Variants in FOXO3 observed in about 807,000 individuals in gnomAD.
FOXO3 encodes the protein forkhead box protein O3.
In FOXO3, 4 loss-of-function variants were observed where a neutral mutation model predicts 41.9. The ratio of observed to expected loss-of-function variants is 0.10; its 90% CI spans 0.05 to 0.22. The LOEUF (loss-of-function observed/expected upper bound fraction) is 0.22, where lower values mean the gene tolerates loss of function less well. Ranked by LOEUF, FOXO3 falls within the 10% of genes least tolerant of loss-of-function variation. FOXO3 has a pLI of 1.00. For missense variants in FOXO3, 534 were observed against 906.8 expected (o/e 0.59, Z 5.28); for synonymous variants, 318 against 389.3 (o/e 0.82, Z 2.16).
intron 1 of FOXO3, among the ~76,000 whole-genome samples, chr6:108,581,239 G>A (rs908620500): frequency 6.6e-6 from 1 of 152,198 alleles, no homozygotes; most frequent in African/African-American, 2.4e-5. Context: ...GAAGGTGACT[G>A]TAACAGGCAG....
In FOXO3 at chr6:108,598,940, A is replaced by G. The variant is rs773594253; in HGVS notation, c.621+37111A>G. Among the ~76,000 whole-genome samples, 31 of 152,120 alleles carry G rather than the reference A, an allele frequency of 2.0e-4. 1 individual carries two copies. The highest frequency in any genetic ancestry group is 3.4e-4 in the Non-Finnish European group (23 of 68,008). On this transcript the variant is annotated intron_variant, in intron 1 of 2. Transcript: ENST00000406360. ...ATGATGGCCGGCAAGGAGTTTCTCT[A>G]ATTCTTGTCTGGGCATATTCTTTCT...
chr6:108,637,990 T>C (rs1177600590), intron 1 of FOXO3, among the ~76,000 whole-genome samples: 1 of 152,172 alleles, frequency 6.6e-6, no homozygotes, highest in Non-Finnish European at 1.5e-5. Flanking sequence ...GAAATAAATA[T>C]ACTTAGAAGA....
intron 1 of FOXO3, among the ~76,000 whole-genome samples, chr6:108,641,575 A>G (rs1160068623): frequency 6.6e-6 from 1 of 152,180 alleles, no homozygotes; most frequent in African/African-American, 2.4e-5. Flanking sequence ...ACTTATCCAG[A>G]CAGAGTCGTG....
chr6:108,568,889 A>G (rs1162716479), intron 1 of FOXO3, among the ~76,000 whole-genome samples: 1 of 152,158 alleles, frequency 6.6e-6, no homozygotes, highest in Non-Finnish European at 1.5e-5. Flanking sequence ...ACTACTTACC[A>G]CAGAAACTGA....
intron 1 of FOXO3, among the ~76,000 whole-genome samples, chr6:108,567,646 A>G (rs961698200): frequency 6.6e-5 from 10 of 152,218 alleles, no homozygotes; most frequent in Admixed American, 5.2e-4. Context: ...GCAGTGGTTC[A>G]TGCCTATAAT....
chr6:108,588,892 C>A (rs1234937377), intron 1 of FOXO3, among the ~76,000 whole-genome samples: 1 of 152,202 alleles, frequency 6.6e-6, no homozygotes, highest in Non-Finnish European at 1.5e-5. Context: ...TCTCAAGCAA[C>A]TGGAATATGG....
chr6:108,666,251 T>C (rs1419070789), intron 2 of FOXO3, among the ~76,000 whole-genome samples: 1 of 152,194 alleles, frequency 6.6e-6, no homozygotes, highest in Non-Finnish European at 1.5e-5. Context: ...CTAGGTATAC[T>C]GACAAATGGG....
intron 1 of FOXO3, among the ~76,000 whole-genome samples, chr6:108,596,382 G>GAAAAAAA (rs61683111): frequency 1.2e-4 from 7 of 58,270 alleles, no homozygotes; most frequent in East Asian, 6.2e-4. Flanking sequence ...TGGCCTAAAT[G>GAAAAAAA]AAAAAAAAAA....
intron 1 of FOXO3, among the ~76,000 whole-genome samples, chr6:108,588,584 T>C (rs1245124363): frequency 1.3e-5 from 2 of 152,240 alleles, no homozygotes; most frequent in African/African-American, 4.8e-5. Context: ...TTCTGCCTTA[T>C]ATCCCCTAGA....
chr6:108,561,447 G>C lies in FOXO3; in HGVS notation c.239G>C (p.Gly80Ala). ...GGRAGSAMAI[G>A]GGGGSGTLGS... is the part of the protein sequence containing the mutation. The stretch of plus-strand genomic sequence containing the variant: ...CGGGCCGGCTCGGCCATGGCGATCG[G>C]CGGCGGCGGCGGGAGCGGCACGCTG... The change falls in exon 1 of 3, where the codon GGC becomes GCC. Residue 80 changes from glycine (G) to alanine (A), a missense_variant. Physicochemically the swap from Gly to Ala is moderately conservative, Grantham distance 60. Transcript: ENST00000406360. 6.8e-7 allele frequency: 1 copy of C among 1,466,490 alleles called. No individual in the cohort carries two copies. The highest frequency in any genetic ancestry group is 2.5e-4 in the Middle Eastern group (1 of 4,010). The allele number at this position is 1,466,490 out of a possible 1,614,324, so 90.8% of individuals were successfully genotyped here.
chr6:108,651,441 G>A (rs1476846013), intron 1 of FOXO3, among the ~76,000 whole-genome samples: 1 of 152,162 alleles, frequency 6.6e-6, no homozygotes, highest in African/African-American at 2.4e-5. Context: ...GTGCGTAGCT[G>A]TGTGACTGTG....
At chr6:108,586,680 A>T (rs916800968) in intron 1 of FOXO3, among the ~76,000 whole-genome samples, 2 of 151,974 alleles carry the variant, frequency 1.3e-5, no homozygotes, top group African/African-American at 4.8e-5. Context: ...GAAGACAAAA[A>T]CCCTGGCATA....
chr6:108,666,322 C>CTTT (rs200818995), intron 2 of FOXO3, among the ~76,000 whole-genome samples: 1 of 150,454 alleles, frequency 6.6e-6, no homozygotes, highest in Non-Finnish European at 1.5e-5. Context: ...AGGTTGATTT[C>CTTT]TTTTTTTTTC....
chr6:108,610,493 G>A (rs1330029429), intron 1 of FOXO3, among the ~76,000 whole-genome samples: 1 of 152,144 alleles, frequency 6.6e-6, no homozygotes, highest in East Asian at 1.9e-4. Context: ...GCTCTAAGAG[G>A]AAAAAACAGT....
rs1775771938 is a variant in FOXO3, at chr6:108,561,164, G to A, written c.-45G>A. 6.6e-7 allele frequency: 1 copy of A among 1,510,574 alleles called. No individual in the cohort carries two copies. Among genetic ancestry groups the A allele is most frequent in the Non-Finnish European group, 8.8e-7 (1 of 1,133,460 alleles). The allele number at this position is 1,510,574 out of a possible 1,614,324, so 93.6% of individuals were successfully genotyped here. ...CCCGCTGCACCCCGCCCCGGCGCGA[G>A]AGGAGAGCGCGAGAGCCCCAGCCGC... is the stretch of plus-strand genomic sequence containing the variant. On this transcript the variant is annotated 5_prime_UTR_variant, in exon 1 of 3. Coordinates refer to ENST00000406360, the MANE Select transcript of FOXO3 (RefSeq NM_001455.4).
At chr6:108,609,650 C>T (rs746501855) in intron 1 of FOXO3, among the ~76,000 whole-genome samples, 3 of 152,196 alleles carry the variant, frequency 2.0e-5, no homozygotes, top group Admixed American at 6.5e-5. Flanking sequence ...TTGTATATAA[C>T]GCTGTGGATC....
rs545878715 is a variant in FOXO3, at chr6:108,683,414, A to G, written c.*3622A>G. On this transcript the variant is annotated 3_prime_UTR_variant, in exon 3 of 3. Coordinates refer to ENST00000406360, the MANE Select transcript of FOXO3 (RefSeq NM_001455.4). Reference sequence around the variant, plus strand: ...GCATTTGAATCTCTTGGAAAAGGCCATGAAGAATAAAGCAGTCAAAAAGAA... The same window carrying G: ...GCATTTGAATCTCTTGGAAAAGGCCGTGAAGAATAAAGCAGTCAAAAAGAA... The G allele has an allele frequency of 2.0e-5, 3 of 152,350 alleles. No homozygotes were observed. The highest frequency in any genetic ancestry group is 6.5e-5 in the Admixed American group (1 of 15,308). 9.4% of individuals were successfully genotyped at this position (152,350 alleles called of 1,614,324 possible). A position where few individuals can be genotyped will look rare whatever the true frequency, so the allele number is the denominator to read the frequency against.
At chr6:108,637,115 C>T (rs556153009) in intron 1 of FOXO3, among the ~76,000 whole-genome samples, 24 of 152,140 alleles carry the variant, frequency 1.6e-4, no homozygotes, top group Middle Eastern at 3.4e-3. Context: ...TGAGGTTTTC[C>T]GCAGCTGTGA....
At chr6:108,620,884 C>G (rs1777646920) in intron 1 of FOXO3, among the ~76,000 whole-genome samples, 1 of 152,148 alleles carries the variant, frequency 6.6e-6, no homozygotes, top group South Asian at 2.1e-4. Flanking sequence ...ATTCAATACT[C>G]TCTTTGCCTG....
Sources: gnomAD v4.1 joint callset for allele counts (sites outside exome capture counted in the v4.1 genomes callset) on GRCh38, gnomAD v4.1.1 for gene constraint, MANE v1.5 for transcripts, NCBI Gene and HGNC (gene_info 2026-07-23, HGNC 2026-07-21) for gene names.